Variants in ASCC3 observed in about 807,000 individuals in gnomAD.
ASCC3 encodes activating signal cointegrator 1 complex subunit 3.
ASCC3 carries 158 observed loss-of-function variants against 256.3 expected under a neutral mutation model. The ratio of observed to expected loss-of-function variants is 0.62; its 90% CI spans 0.54 to 0.70. The LOEUF is 0.70. Among genes scored for constraint, ASCC3 ranks in the 30% least tolerant of loss-of-function variants. The probability of loss-of-function intolerance (pLI) is 0.00; values close to 1 mark genes in which losing one functional copy is unlikely to be tolerated. For synonymous variants in ASCC3, 948 were observed against 883.4 expected, an observed-to-expected ratio of 1.07 and a Z score of -1.30; for missense variants, 2,259 against 2,626.0, an observed-to-expected ratio of 0.86 and a Z score of 3.05.
At chr6:100,581,723 C>A (rs1331166699) in intron 36 of ASCC3, among the ~76,000 whole-genome samples, 1 of 151,934 alleles carries the variant, frequency 6.6e-6, no homozygotes, top group African/African-American at 2.4e-5. Context: ...TTAGGTCTAA[C>A]GTTTAAGTCT....
At chr6:100,880,859 C>CT (rs760701827) in intron 1 of ASCC3, among the ~76,000 whole-genome samples, 19 of 152,210 alleles carry the variant, frequency 1.2e-4, no homozygotes, top group Non-Finnish European at 2.4e-4. Context: ...CACCTACAAA[C>CT]TCTAGGAATG....
intron 25 of ASCC3, among the ~76,000 whole-genome samples, chr6:100,636,544 C>T (rs950469544): frequency 6.6e-6 from 1 of 152,044 alleles, no homozygotes; most frequent in Non-Finnish European, 1.5e-5. Context: ...GGAAGAGTTG[C>T]ATGTCTCTCA....
At chr6:100,552,632 T>C (rs1004442961) in intron 36 of ASCC3, among the ~76,000 whole-genome samples, 4 of 151,864 alleles carry the variant, frequency 2.6e-5, no homozygotes, top group Non-Finnish European at 5.9e-5. Flanking sequence ...CAATGTGTGA[T>C]AAAGAAATAT....
intron 36 of ASCC3, among the ~76,000 whole-genome samples, chr6:100,572,962 A>G (rs1770673879): frequency 6.6e-6 from 1 of 152,146 alleles, no homozygotes; most frequent in African/African-American, 2.4e-5. Flanking sequence ...ACATAAATAA[A>G]AGGTCTGGCA....
intron 14 of ASCC3, among the ~76,000 whole-genome samples, chr6:100,666,280 A>T (rs1776472162): frequency 6.6e-6 from 1 of 152,140 alleles, no homozygotes; most frequent in Non-Finnish European, 1.5e-5. Flanking sequence ...AACATTTATA[A>T]ACATTCATGT....
At position 100,799,704 on chromosome 6, in the gene ASCC3, G is replaced by A. The variant is rs558106815; in HGVS notation, c.1128-132C>T. ...AAAAAAGAAATTAAACTACACAAAG[G>A]AAGATTTTAGGAATCCTGAAATTTT... On this transcript the variant is annotated intron_variant, in intron 6 of 41. Transcript: ENST00000369162. 1.6e-5 allele frequency: 15 copies of A among 920,226 alleles called. No homozygotes were observed. In the African/African-American group the frequency reaches 2.5e-4, roughly 15 times the overall value. The allele number at this position is 920,226 out of a possible 1,614,324, so 57.0% of individuals were successfully genotyped here.
At chr6:100,537,692 C>T (rs1775229701) in intron 37 of ASCC3, among the ~76,000 whole-genome samples, 1 of 151,696 alleles carries the variant, frequency 6.6e-6, no homozygotes, top group Non-Finnish European at 1.5e-5. Context: ...AGAAAAGACC[C>T]TCATACTCAT....
intron 13 of ASCC3, among the ~76,000 whole-genome samples, chr6:100,690,217 C>T (rs1336342817): frequency 2.6e-5 from 4 of 151,986 alleles, no homozygotes; most frequent in East Asian, 1.9e-4. Flanking sequence ...AATGTAAATG[C>T]TTTGTAGATT....
intron 41 of ASCC3, 134 bp downstream of exon 41, chr6:100,509,798 G>A (rs1024441727): frequency 2.9e-5 from 26 of 893,506 alleles, no homozygotes; most frequent in Admixed American, 1.0e-4. Context: ...TGAGGCAGGA[G>A]AATGGCGTGA....
At chr6:100,538,165 C>T (rs1406011041) in intron 37 of ASCC3, among the ~76,000 whole-genome samples, 1 of 152,036 alleles carries the variant, frequency 6.6e-6, no homozygotes, top group African/African-American at 2.4e-5. Context: ...TTTAATTCAT[C>T]TTGCCACTTC....
intron 13 of ASCC3, among the ~76,000 whole-genome samples, chr6:100,712,860 C>T (rs1387589632): frequency 2.7e-5 from 4 of 148,550 alleles, no homozygotes; most frequent in African/African-American, 9.9e-5. Context: ...CAGGTTCACG[C>T]CATTCTCCTG....
chr6:100,855,891 T>C (rs1447066188), intron 3 of ASCC3, among the ~76,000 whole-genome samples: 1 of 152,204 alleles, frequency 6.6e-6, no homozygotes. Flanking sequence ...AAAAGAGGTT[T>C]AGTGATATTA....
chr6:100,736,307 A>G (rs1198569418), intron 10 of ASCC3, among the ~76,000 whole-genome samples: 1 of 152,120 alleles, frequency 6.6e-6, no homozygotes, highest in Admixed American at 6.5e-5. Flanking sequence ...GATCGAGACC[A>G]TCCTGGCCAA....
chr6:100,702,899 C>T (rs543512348), intron 13 of ASCC3, among the ~76,000 whole-genome samples: 1 of 152,154 alleles, frequency 6.6e-6, no homozygotes, highest in East Asian at 1.9e-4. Context: ...TAAAAATGTG[C>T]TAATCACCTT....
intron 8 of ASCC3, among the ~76,000 whole-genome samples, chr6:100,791,844 C>T (rs1485013866): frequency 2.0e-5 from 3 of 151,874 alleles, no homozygotes; most frequent in African/African-American, 7.2e-5. Flanking sequence ...AAAATAGACA[C>T]AGGAAAATTT....
intron 10 of ASCC3, among the ~76,000 whole-genome samples, chr6:100,737,066 G>A (rs527787771): frequency 6.6e-6 from 1 of 151,028 alleles, no homozygotes; most frequent in Non-Finnish European, 1.5e-5. Flanking sequence ...AGAATTGCTT[G>A]AACCCGAGAG....
intron 30 of ASCC3, among the ~76,000 whole-genome samples, chr6:100,623,456 A>T (rs911787444): frequency 2.5e-4 from 38 of 152,216 alleles, no homozygotes; most frequent in African/African-American, 9.2e-4. Flanking sequence ...ATAATGTAAT[A>T]CATACAGTAC....
intron 14 of ASCC3, among the ~76,000 whole-genome samples, chr6:100,670,574 C>A (rs77642814): frequency 1.6e-5 from 2 of 126,320 alleles, no homozygotes; most frequent in Non-Finnish European, 1.6e-5. Context: ...TTCCCCCCCC[C>A]CAAATTCTTT....
At chr6:100,547,457 G>C (rs1366668740) in intron 36 of ASCC3, among the ~76,000 whole-genome samples, 1 of 152,020 alleles carries the variant, frequency 6.6e-6, no homozygotes, top group African/African-American at 2.4e-5. Context: ...GCAGATATCT[G>C]ATCTAGGACT....
Sources: gnomAD v4.1 joint callset for allele counts (sites outside exome capture counted in the v4.1 genomes callset) on GRCh38, gnomAD v4.1.1 for gene constraint, MANE v1.5 for transcripts, NCBI Gene and HGNC (gene_info 2026-07-23, HGNC 2026-07-21) for gene names.